SLC25A25: variants seen among roughly 807,000 people sequenced by gnomAD.
SLC25A25 encodes solute carrier family 25 member 25.
SLC25A25 carries 32 observed loss-of-function variants against 57.7 expected under a neutral mutation model. The observed-to-expected ratio is 0.55, with a 90% confidence interval of 0.42 to 0.74. The LOEUF (loss-of-function observed/expected upper bound fraction) is 0.74. Among genes scored for constraint, SLC25A25 ranks in the 30% least tolerant of loss-of-function variants. The probability of loss-of-function intolerance (pLI) is 0.00; values close to 1 mark genes in which losing one functional copy is unlikely to be tolerated. For synonymous variants in SLC25A25, 306 were observed against 291.2 expected, an observed-to-expected ratio of 1.05 and a Z score of -0.52; for missense variants, 556 against 701.3, an observed-to-expected ratio of 0.79 and a Z score of 2.34.
At chr9:128,106,645 C>T (rs953799505) in intron 9 of SLC25A25, 125 bp downstream of exon 9, 24 of 1,198,308 alleles carry the variant, frequency 2.0e-5, no homozygotes, top group Non-Finnish European at 2.6e-5. Flanking sequence ...CCTTCCTGCT[C>T]TTCTGTTTAC....
intron 1 of SLC25A25, chr9:128,091,514 A>T: frequency 1.0e-6 from 1 of 987,964 alleles, no homozygotes; most frequent in Non-Finnish European, 1.2e-6. Context: ...TGCCTCCGGG[A>T]GTGGTCTGCT....
intron 1 of SLC25A25, among the ~76,000 whole-genome samples, chr9:128,086,722 C>T (rs1427348987): frequency 2.0e-5 from 3 of 151,836 alleles, no homozygotes; most frequent in South Asian, 4.2e-4. Context: ...GCAATCCTCC[C>T]GCCTCAGCCT....
chr9:128,091,925 C>G (rs775067276), intron 1 of SLC25A25: 1 of 1,613,450 alleles, frequency 6.2e-7, no homozygotes, highest in Non-Finnish European at 8.5e-7. Context: ...GGCTGGGTGC[C>G]ACGGCTCCAG....
At chr9:128,087,067 T>C (rs78600336) in intron 1 of SLC25A25, among the ~76,000 whole-genome samples, 30 of 151,802 alleles carry the variant, frequency 2.0e-4, no homozygotes, top group African/African-American at 7.0e-4. Flanking sequence ...ATACAAAAAT[T>C]AGCTGGGTAT....
At position 128,101,356 on chromosome 9, in the gene SLC25A25, G is replaced by A; in HGVS notation, c.436G>A (p.Val146Ile). ...CATGCAGTCCCTGCGGGACTTGGGAGTCAAGATATCTGAACAGCAGGCAGA... is the reference window on the plus strand; with the variant it reads ...CATGCAGTCCCTGCGGGACTTGGGAATCAAGATATCTGAACAGCAGGCAGA... ...EIMQSLRDLG[V>I]KISEQQAEKI... Residue 146 changes from valine (V) to isoleucine (I), a missense_variant, in exon 3 of 11, where the codon GTC becomes ATC. Physicochemically the swap from Val to Ile is conservative, Grantham distance 29. Coordinates refer to ENST00000373069, the MANE Select transcript of SLC25A25 (RefSeq NM_001330988.2). The surrounding 1 kb of genome is among the most constrained non-coding windows in gnomAD (Gnocchi z 4.9). 6.2e-7 allele frequency: 1 copy of A among 1,614,262 alleles called. No individual in the cohort carries two copies. Among genetic ancestry groups the A allele is most frequent in the Non-Finnish European group, 8.5e-7 (1 of 1,180,052 alleles).
Position 128,068,509 on chromosome 9 carries a change from G to A in SLC25A25, c.190G>A (p.Gly64Ser). The change falls in exon 1 of 11, where the codon GGC becomes AGC. Residue 64 changes from glycine to serine, a missense_variant. Transcript: ENST00000373069. ...FQTLDVNRDGGLCVNDLAVGL... is the reference protein window; with the variant it reads ...FQTLDVNRDGSLCVNDLAVGL... ...GACGCTCGACGTCAACCGGGACGGCGGCCTGTGTGTCAACGACCTGGCGGT... is the reference window on the plus strand; with the variant it reads ...GACGCTCGACGTCAACCGGGACGGCAGCCTGTGTGTCAACGACCTGGCGGT... 6.6e-7 allele frequency: 1 copy of A among 1,507,010 alleles called. No individual in the cohort carries two copies. Among genetic ancestry groups the A allele is most frequent in the Admixed American group, 2.1e-5 (1 of 48,294 alleles). The allele number at this position is 1,507,010 out of a possible 1,614,324, so 93.4% of individuals were successfully genotyped here.
chr9:128,082,212 T>C (rs1001357531), intron 1 of SLC25A25, among the ~76,000 whole-genome samples: 47 of 152,358 alleles, frequency 3.1e-4, no homozygotes, highest in African/African-American at 1.1e-3. Context: ...TAGGGAGTTT[T>C]TGTCAAAGCT....
In SLC25A25 at chr9:128,101,487, C is replaced by G; in HGVS notation, c.476+91C>G. 6.9e-7 allele frequency: 1 copy of G among 1,442,752 alleles called. No homozygotes were observed. Among genetic ancestry groups the G allele is most frequent in the South Asian group, 1.2e-5 (1 of 81,464 alleles). 89.4% of individuals were successfully genotyped at this position (1,442,752 alleles called of 1,614,324 possible). On this transcript the variant is annotated intron_variant, in intron 3 of 10. Transcript: ENST00000373069. The surrounding 1 kb of genome is among the most constrained non-coding windows in gnomAD (Gnocchi z 4.9). ...CTCCGATGCCATTCCCTGGGCTGAC[C>G]CTGAACTTGGCCTTCTCGTGGTTTG... is the stretch of plus-strand genomic sequence containing the variant.
chr9:128,080,720 C>T (rs1013121134), intron 1 of SLC25A25, among the ~76,000 whole-genome samples: 9 of 152,180 alleles, frequency 5.9e-5, no homozygotes, highest in African/African-American at 2.2e-4. Flanking sequence ...CCACCACCCC[C>T]AGCCATTGTT....
In SLC25A25 at chr9:128,108,371, G is replaced by A; in HGVS notation, c.*927G>A. The A allele has an allele frequency of 2.5e-6, 1 of 398,030 alleles. No homozygotes were observed. The highest frequency in any genetic ancestry group is 4.4e-6 in the Non-Finnish European group (1 of 225,948). The allele number at this position is 398,030 out of a possible 1,614,324, so 24.7% of individuals were successfully genotyped here. Reference sequence around the variant, plus strand: ...CAAGCCGGACAAATGAGCGACTTCTGTGCTTCCAGAGGAAGACGAGGGAGC... The same window carrying A: ...CAAGCCGGACAAATGAGCGACTTCTATGCTTCCAGAGGAAGACGAGGGAGC... On this transcript the variant is annotated 3_prime_UTR_variant, in exon 11 of 11. Transcript: ENST00000373069.
chr9:128,086,672 T>TA (rs1833283379), intron 1 of SLC25A25, among the ~76,000 whole-genome samples: 2 of 151,586 alleles, frequency 1.3e-5, no homozygotes, highest in East Asian at 2.0e-4. Context: ...GACAGGGTCT[T>TA]ACTTTGTTTC....
intron 9 of SLC25A25, 60 bp from the exon 10 acceptor site, chr9:128,106,969 G>A (rs551833108): frequency 8.3e-5 from 131 of 1,569,960 alleles, no homozygotes; most frequent in African/African-American, 2.8e-4. Flanking sequence ...TAACAGCCCC[G>A]TCTCTTGCTG....
At chr9:128,106,286 G>T (rs190232544) in intron 8 of SLC25A25, 29 bp downstream of exon 8, 16 of 1,614,060 alleles carry the variant, frequency 9.9e-6, no homozygotes, top group Non-Finnish European at 1.3e-5. Flanking sequence ...CCTGGGGCGG[G>T]CAGTGGGCAC....
intron 1 of SLC25A25, among the ~76,000 whole-genome samples, chr9:128,080,971 C>T (rs1382421766): frequency 6.6e-6 from 1 of 152,180 alleles, no homozygotes; most frequent in Non-Finnish European, 1.5e-5. Context: ...CATTTATGGA[C>T]ACAGTTAACT....
At chr9:128,104,722 G>C (rs2130824421) in intron 6 of SLC25A25, among the ~76,000 whole-genome samples, 1 of 152,274 alleles carries the variant, frequency 6.6e-6, no homozygotes, top group Admixed American at 6.5e-5. Context: ...GGGGCAGCAG[G>C]AGAGAGAGGT....
At chr9:128,075,858 CAAAA>C (rs1833000186) in intron 1 of SLC25A25, among the ~76,000 whole-genome samples, 1 of 151,958 alleles carries the variant, frequency 6.6e-6, no homozygotes, top group Non-Finnish European at 1.5e-5. Flanking sequence ...AGAAAAAAAA[CAAAA>C]AAGAGTTATT....
intron 1 of SLC25A25, chr9:128,092,065 TG>T: frequency 6.2e-7 from 1 of 1,613,968 alleles, no homozygotes; most frequent in Non-Finnish European, 8.5e-7. Context: ...TGCTGGTGGT[TG>T]GACCTGCAGA....
chr9:128,104,964 T>C (rs1833957288), intron 6 of SLC25A25, among the ~76,000 whole-genome samples: 1 of 150,654 alleles, frequency 6.6e-6, no homozygotes, highest in South Asian at 2.1e-4. Context: ...CAAGCAATTC[T>C]ACAGCCTCAG....
At chr9:128,076,042 C>G (rs1351977414) in intron 1 of SLC25A25, among the ~76,000 whole-genome samples, 2 of 146,972 alleles carry the variant, frequency 1.4e-5, no homozygotes, top group East Asian at 4.0e-4. Context: ...CTGTACCCAG[C>G]CAACTTTTTA....
Sources: allele counts gnomAD v4.1 joint callset (sites outside exome capture counted in the v4.1 genomes callset), GRCh38; gene constraint gnomAD v4.1.1; non-coding constraint Gnocchi (gnomAD v3.1); transcripts MANE v1.5; gene names NCBI Gene and HGNC (gene_info 2026-07-23, HGNC 2026-07-21).